The following CNTNAP2 variants were observed in gnomAD, a reference collection of about 807,000 sequenced individuals.
The protein encoded by CNTNAP2 is contactin associated protein 2.
A neutral mutation model predicts 155.2 loss-of-function variants in CNTNAP2; 98 were observed. The observed-to-expected ratio is 0.63, with a 90% CI of 0.54 to 0.75. CNTNAP2 has a LOEUF of 0.75. Among genes scored for constraint, CNTNAP2 ranks in the 30% least tolerant of loss-of-function variants. CNTNAP2 has a pLI of 0.00. For missense variants in CNTNAP2, 1,727 were observed against 1,688.1 expected (o/e 1.02, Z -0.40); for synonymous variants, 651 against 631.2 (o/e 1.03, Z -0.47).
intron 4 of CNTNAP2, among the ~76,000 whole-genome samples, chr7:147,047,741 TG>T (rs147267684): frequency 0.067 from 10,245 of 152,226 alleles, 430 homozygotes; most frequent in Middle Eastern, 0.13. Flanking sequence ...TGTGCTGTCA[TG>T]GGCTTTTCCA....
chr7:148,277,456 G>T (rs1253485651), intron 21 of CNTNAP2, among the ~76,000 whole-genome samples: 9 of 152,080 alleles, frequency 5.9e-5, no homozygotes. Flanking sequence ...CAGCTATCAA[G>T]CAGTGAGGGC....
intron 15 of CNTNAP2, among the ~76,000 whole-genome samples, chr7:147,985,032 T>C (rs1801592420): frequency 6.6e-6 from 1 of 152,002 alleles, no homozygotes; most frequent in Non-Finnish European, 1.5e-5. Flanking sequence ...TGAGAATCGC[T>C]TGAACCCAGG....
At chr7:146,494,988 C>A (rs967360712) in intron 1 of CNTNAP2, among the ~76,000 whole-genome samples, 2 of 152,162 alleles carry the variant, frequency 1.3e-5, no homozygotes, top group African/African-American at 2.4e-5. Context: ...TTCCCAACTA[C>A]CAGAGGATAA....
chr7:147,624,651 C>T (rs946237505), intron 12 of CNTNAP2, among the ~76,000 whole-genome samples: 1 of 152,184 alleles, frequency 6.6e-6, no homozygotes, highest in African/African-American at 2.4e-5. Context: ...TCCTCATACA[C>T]TGTTGGTAGA....
At chr7:146,916,987 G>A (rs568963208) in intron 3 of CNTNAP2, among the ~76,000 whole-genome samples, 5 of 152,160 alleles carry the variant, frequency 3.3e-5, no homozygotes, top group African/African-American at 9.6e-5. Context: ...CACTGCCTTT[G>A]CTGTATCTCA....
chr7:147,627,541 CA>C (rs1210157425), intron 12 of CNTNAP2, among the ~76,000 whole-genome samples: 5 of 151,592 alleles, frequency 3.3e-5, no homozygotes, highest in African/African-American at 7.3e-5. Context: ...ACTAAAAATA[CA>C]AAAAGTTTGG....
At chr7:148,212,580 G>A (rs1795569135) in intron 18 of CNTNAP2, among the ~76,000 whole-genome samples, 1 of 152,134 alleles carries the variant, frequency 6.6e-6, no homozygotes, top group South Asian at 2.1e-4. Flanking sequence ...TATATTACTA[G>A]TACAAAACCT....
chr7:146,685,593 CA>C (rs1455596631), intron 1 of CNTNAP2, among the ~76,000 whole-genome samples: 1 of 152,054 alleles, frequency 6.6e-6, no homozygotes, highest in Non-Finnish European at 1.5e-5. Context: ...TCTGTTTTCA[CA>C]CAGAACAAAT....
At chr7:146,643,379 G>A (rs1311426972) in intron 1 of CNTNAP2, among the ~76,000 whole-genome samples, 1 of 151,932 alleles carries the variant, frequency 6.6e-6, no homozygotes, top group Non-Finnish European at 1.5e-5. Flanking sequence ...TCTACATATG[G>A]CTAGCCAGTT....
intron 1 of CNTNAP2, among the ~76,000 whole-genome samples, chr7:146,658,505 C>T (rs771656552): frequency 2.6e-5 from 4 of 151,874 alleles, no homozygotes; most frequent in African/African-American, 7.2e-5. Flanking sequence ...TTGTTTACTT[C>T]TGCATGGACA....
chr7:146,770,315 TATAC>T lies in CNTNAP2; in HGVS notation c.98-3954_98-3951del, dbSNP rs1802270964. On this transcript the variant is annotated intron_variant, in intron 1 of 23. Transcript: ENST00000361727. ...GGAATTATATATATATATGTGTGTG[TATAC>T]ACACACACACACACACACACACACA... Among the ~76,000 whole-genome samples, 6 of 119,636 alleles carry T rather than the reference TATAC, an allele frequency of 5.0e-5. No individual in the cohort carries two copies. The South Asian group carries it at 1.5e-3, about 30-fold the overall frequency. 78.5% of individuals were successfully genotyped at this position (119,636 alleles called of 152,430 possible). A position where few individuals can be genotyped will look rare whatever the true frequency, so the allele number is the denominator to read the frequency against.
intron 21 of CNTNAP2, among the ~76,000 whole-genome samples, chr7:148,363,073 C>T (rs1285716162): frequency 6.6e-6 from 1 of 152,186 alleles, no homozygotes; most frequent in Non-Finnish European, 1.5e-5. Flanking sequence ...CCTCCACCTC[C>T]TGGGTTCAAG....
At chr7:147,078,754 ATT>A (rs374400116) in intron 4 of CNTNAP2, among the ~76,000 whole-genome samples, 14 of 145,558 alleles carry the variant, frequency 9.6e-5, no homozygotes, top group African/African-American at 3.0e-4. Flanking sequence ...GTCTCATTTA[ATT>A]TTTTTTTTTT....
intron 21 of CNTNAP2, among the ~76,000 whole-genome samples, chr7:148,306,751 T>TTTGG (rs1285075079): frequency 5.9e-5 from 9 of 152,080 alleles, no homozygotes; most frequent in East Asian, 5.8e-4. Flanking sequence ...AGTAGCTTTC[T>TTTGG]TTGGTTGGTT....
intron 18 of CNTNAP2, among the ~76,000 whole-genome samples, chr7:148,179,923 A>C (rs1795008281): frequency 6.6e-6 from 1 of 152,190 alleles, no homozygotes; most frequent in Admixed American, 6.5e-5. Flanking sequence ...GTTTGCCAAA[A>C]GCGGTTGGAA....
At chr7:147,540,176 G>A (rs1470792774) in intron 11 of CNTNAP2, among the ~76,000 whole-genome samples, 4 of 152,142 alleles carry the variant, frequency 2.6e-5, no homozygotes, top group Admixed American at 6.5e-5. Flanking sequence ...CTGATTGTCT[G>A]CAGTCTCATC....
intron 8 of CNTNAP2, among the ~76,000 whole-genome samples, chr7:147,219,460 G>C (rs557179365): frequency 3.9e-5 from 6 of 152,262 alleles, no homozygotes; most frequent in African/African-American, 1.2e-4. Flanking sequence ...CTGATGTTCC[G>C]AGGGCAAGAA....
At chr7:146,780,373 T>C (rs1563227908) in intron 2 of CNTNAP2, among the ~76,000 whole-genome samples, 1 of 151,888 alleles carries the variant, frequency 6.6e-6, no homozygotes, top group Non-Finnish European at 1.5e-5. Context: ...GTATTTTTAG[T>C]GGAGACAGGG....
chr7:148,160,715 A>T lies in CNTNAP2; in HGVS notation c.2774-11527A>T, dbSNP rs369372000. Among the ~76,000 whole-genome samples, 9 of 152,266 alleles carry T rather than the reference A, an allele frequency of 5.9e-5. No individual in the cohort carries two copies. In the East Asian group the frequency reaches 1.7e-3, roughly 29 times the overall value. On this transcript the variant is annotated intron_variant, in intron 17 of 23. Coordinates refer to ENST00000361727, the MANE Select transcript of CNTNAP2 (RefSeq NM_014141.6). ...CTGGGGCTGGGGGTCTCTGGTTCAG[A>T]TCCACAGCTATTGATGAAGGTGTTG...
Sources: gnomAD v4.1 joint callset for allele counts (sites outside exome capture counted in the v4.1 genomes callset) on GRCh38, gnomAD v4.1.1 for gene constraint, MANE v1.5 for transcripts, NCBI Gene and HGNC (gene_info 2026-07-23, HGNC 2026-07-21) for gene names.